UBXN4: variants seen among roughly 807,000 people sequenced by gnomAD.
UBXN4 encodes the protein UBX domain-containing protein 4.
Under a neutral mutation model 66.2 loss-of-function variants are expected in UBXN4, and 35 were observed. The ratio of observed to expected loss-of-function variants is 0.53; its 90% CI spans 0.40 to 0.70. The LOEUF (loss-of-function observed/expected upper bound fraction) is 0.70, where lower values mean the gene tolerates loss of function less well. Ranked by LOEUF, UBXN4 falls within the 30% of genes least tolerant of loss-of-function variation. UBXN4 has a pLI of 0.00. For missense variants in UBXN4, 533 were observed against 599.8 expected, an observed-to-expected ratio of 0.89 and a Z score of 1.16; for synonymous variants, 203 against 204.5, an observed-to-expected ratio of 0.99 and a Z score of 0.06.
intron 1 of UBXN4, chr2:135,747,617 A>G (rs1413321579): frequency 4.4e-6 from 2 of 456,402 alleles, no homozygotes; most frequent in African/African-American, 4.0e-5. Context: ...GGTGCCACAT[A>G]AAGGACAGAT....
chr2:135,773,591 A>G (rs1195816563), intron 9 of UBXN4, among the ~76,000 whole-genome samples: 1 of 152,162 alleles, frequency 6.6e-6, no homozygotes, highest in African/African-American at 2.4e-5. Flanking sequence ...TGATAATTAT[A>G]CCAGAACGAA....
intron 1 of UBXN4, among the ~76,000 whole-genome samples, chr2:135,747,263 G>A (rs1488329198): frequency 8.9e-5 from 13 of 146,002 alleles, no homozygotes; most frequent in Admixed American, 2.1e-4. Flanking sequence ...CAGGAGAATC[G>A]CTTGAACCCG....
intron 4 of UBXN4, among the ~76,000 whole-genome samples, chr2:135,754,522 C>T (rs1330615587): frequency 1.3e-5 from 2 of 152,074 alleles, no homozygotes; most frequent in Admixed American, 6.6e-5. Flanking sequence ...AGGGTTTCAC[C>T]ATGTTGGCCA....
In UBXN4 at chr2:135,754,047, G is replaced by T. The variant is rs76260229; in HGVS notation, c.215-112G>T. On this transcript the variant is annotated intron_variant, in intron 3 of 12. Transcript: ENST00000272638. ...ACTTGAAATTATTTAATAAATGTTA[G>T]ATTATATTGTGAAAATCACAAAGAT... is the stretch of plus-strand genomic sequence containing the variant. The T allele has an allele frequency of 0.011, 8,798 of 765,420 alleles. 571 individuals are homozygous for T. In the East Asian group the frequency reaches 0.16, roughly 14 times the overall value. 47.4% of individuals were successfully genotyped at this position (765,420 alleles called of 1,614,324 possible). A position where few individuals can be genotyped will look rare whatever the true frequency, so the allele number is the denominator to read the frequency against.
chr2:135,747,709 A>G (rs1046215459), intron 1 of UBXN4: 5 of 456,154 alleles, frequency 1.1e-5, no homozygotes, highest in South Asian at 3.1e-5. Flanking sequence ...ATCTCCGCTC[A>G]CTGCAACTTC....
chr2:135,752,103 A>T (rs773689190), intron 2 of UBXN4, among the ~76,000 whole-genome samples: 17 of 151,926 alleles, frequency 1.1e-4, no homozygotes, highest in Non-Finnish European at 2.2e-4. Flanking sequence ...GCTGGAGTGC[A>T]ATGGCATGAT....
At chr2:135,765,680 T>C (rs1346901875) in intron 6 of UBXN4, among the ~76,000 whole-genome samples, 1 of 152,082 alleles carries the variant, frequency 6.6e-6, no homozygotes, top group African/African-American at 2.4e-5. Flanking sequence ...ATTTGAAAGT[T>C]GCAGACATAA....
intron 5 of UBXN4, among the ~76,000 whole-genome samples, chr2:135,759,168 G>T (rs956349489): frequency 6.6e-6 from 1 of 152,038 alleles, no homozygotes; most frequent in Non-Finnish European, 1.5e-5. Flanking sequence ...TTATTTGCTC[G>T]GTTTTTGTTA....
At chr2:135,765,433 ACTC>A (rs2077341200) in intron 6 of UBXN4, among the ~76,000 whole-genome samples, 1 of 151,448 alleles carries the variant, frequency 6.6e-6, no homozygotes, top group African/African-American at 2.4e-5. Flanking sequence ...CTGGTCTCGA[ACTC>A]CTGACCTCAG....
chr2:135,776,385 A>T, intron 10 of UBXN4, 34 bp downstream of exon 10: 2 of 1,557,600 alleles, frequency 1.3e-6, no homozygotes, highest in Non-Finnish European at 1.8e-6. Flanking sequence ...GTAAAAATAG[A>T]TGTGTAGGTT....
chr2:135,747,352 A>C (rs1444210555), intron 1 of UBXN4, among the ~76,000 whole-genome samples: 42 of 16,428 alleles, frequency 2.6e-3, no homozygotes, highest in African/African-American at 5.0e-3. Context: ...CCATCTCAAA[A>C]AAAAAAAAAA....
intron 9 of UBXN4, 57 bp from the exon 10 acceptor site, chr2:135,776,192 T>C (rs1436552293): frequency 2.2e-6 from 3 of 1,391,188 alleles, no homozygotes; most frequent in Non-Finnish European, 3.0e-6. Flanking sequence ...AACTTAATGA[T>C]ATTGTTAGAG....
At chr2:135,760,062 C>A (rs181130961) in intron 5 of UBXN4, among the ~76,000 whole-genome samples, 124 of 152,160 alleles carry the variant, frequency 8.1e-4, no homozygotes, top group Admixed American at 1.2e-3. Context: ...GCCACCATAC[C>A]CGACCTAGAA....
At chr2:135,762,099 T>C (rs1182052669) in intron 6 of UBXN4, among the ~76,000 whole-genome samples, 188 bp downstream of exon 6, 1 of 152,244 alleles carries the variant, frequency 6.6e-6, no homozygotes, top group Non-Finnish European at 1.5e-5. Flanking sequence ...CATGTATGTC[T>C]GAAGTCACCA....
At chr2:135,778,419 C>T (rs1479714081) in intron 10 of UBXN4, among the ~76,000 whole-genome samples, 1 of 152,142 alleles carries the variant, frequency 6.6e-6, no homozygotes, top group Non-Finnish European at 1.5e-5. Context: ...GGGTGACTTA[C>T]AGTGCTGTCC....
intron 6 of UBXN4, among the ~76,000 whole-genome samples, chr2:135,767,206 C>T (rs1482527429): frequency 6.6e-6 from 1 of 152,034 alleles, no homozygotes; most frequent in Non-Finnish European, 1.5e-5. Flanking sequence ...ATTAAAAATA[C>T]AAAAATTAGC....
intron 1 of UBXN4, among the ~76,000 whole-genome samples, chr2:135,743,457 T>C (rs1441325903): frequency 3.3e-5 from 5 of 152,246 alleles, no homozygotes; most frequent in African/African-American, 1.2e-4. Context: ...CAGTTGATCC[T>C]TGCAGTAAAT....
chr2:135,748,849 G>A (rs2077225510), intron 2 of UBXN4, among the ~76,000 whole-genome samples: 1 of 151,716 alleles, frequency 6.6e-6, no homozygotes, highest in Non-Finnish European at 1.5e-5. Flanking sequence ...GGGCAACACA[G>A]TGAGACCTTG....
At position 135,742,108 on chromosome 2, in the gene UBXN4, C is replaced by G; in HGVS notation, c.82+97C>G. ...AGCCGCCGGCCCGCCCTCCCCGAGACGCGGGCTCCTGTCGGCTCGCACAAT... is the reference window on the plus strand; with the variant it reads ...AGCCGCCGGCCCGCCCTCCCCGAGAGGCGGGCTCCTGTCGGCTCGCACAAT... On this transcript the variant is annotated intron_variant, in intron 1 of 12. Coordinates refer to ENST00000272638, the MANE Select transcript of UBXN4 (RefSeq NM_014607.4). The G allele has an allele frequency of 2.1e-6, 3 of 1,408,068 alleles. No individual in the cohort carries two copies. The East Asian group carries it at 7.8e-5, about 36-fold the overall frequency. The allele number at this position is 1,408,068 out of a possible 1,614,324, so 87.2% of individuals were successfully genotyped here. A position where few individuals can be genotyped will look rare whatever the true frequency, so the allele number is the denominator to read the frequency against.
Sources: allele counts gnomAD v4.1 joint callset (sites outside exome capture counted in the v4.1 genomes callset), GRCh38; gene constraint gnomAD v4.1.1; transcripts MANE v1.5; gene names NCBI Gene and HGNC (gene_info 2026-07-23, HGNC 2026-07-21).